Variants in KHDRBS2 observed in about 807,000 individuals in gnomAD.
KHDRBS2 encodes the protein KH domain-containing, RNA-binding, signal transduction-associated protein 2.
KHDRBS2 carries 26 observed loss-of-function variants against 44.3 expected under a neutral mutation model. The ratio of observed to expected loss-of-function variants is 0.59; its 90% CI spans 0.43 to 0.81. KHDRBS2 has a LOEUF of 0.81. Among genes scored for constraint, KHDRBS2 ranks in the 40% least tolerant of loss-of-function variants. The pLI, the probability that KHDRBS2 is intolerant of heterozygous loss-of-function variation, is 0.00. For synonymous variants in KHDRBS2, 194 were observed against 151.1 expected (o/e 1.28, Z -2.08); for missense variants, 476 against 433.1 (o/e 1.10, Z -0.88).
At chr6:61,710,490 AC>A (rs1475920659) in intron 7 of KHDRBS2, among the ~76,000 whole-genome samples, 4 of 151,496 alleles carry the variant, frequency 2.6e-5, no homozygotes, top group African/African-American at 9.7e-5. Context: ...TTTTAATTCT[AC>A]CCAGCCTCTT....
the KHDRBS2 span, among the ~76,000 whole-genome samples, chr6:61,562,627 C>T: frequency 8.3e-4 from 127 of 152,136 alleles, 2 homozygotes; most frequent in South Asian, 9.5e-3. Context: ...TCTTAGGGAC[C>T]TCAGAGTCAA....
intron 1 of KHDRBS2, among the ~76,000 whole-genome samples, chr6:62,201,975 C>A (rs1334877367): frequency 3.3e-5 from 5 of 151,720 alleles, no homozygotes; most frequent in Admixed American, 1.3e-4. Context: ...CTATAAATAA[C>A]CTTTAGGGTT....
At chr6:61,829,441 A>C (rs1402214747) in intron 6 of KHDRBS2, among the ~76,000 whole-genome samples, 3 of 152,170 alleles carry the variant, frequency 2.0e-5, no homozygotes, top group Non-Finnish European at 4.4e-5. Flanking sequence ...TGGGATTACA[A>C]GCATGAGCCA....
intron 2 of KHDRBS2, among the ~76,000 whole-genome samples, chr6:62,092,539 C>A (rs755274325): frequency 1.9e-4 from 29 of 152,072 alleles, no homozygotes; most frequent in Non-Finnish European, 3.5e-4. Flanking sequence ...GGTTTCTGCC[C>A]GTGGGCAAAA....
chr6:62,163,247 C>G (rs1562980493), intron 2 of KHDRBS2, among the ~76,000 whole-genome samples: 1 of 152,024 alleles, frequency 6.6e-6, no homozygotes, highest in Non-Finnish European at 1.5e-5. Context: ...TAGTTAAAGA[C>G]AGACTTTAAT....
At chr6:62,165,371 T>G (rs1818470417) in intron 2 of KHDRBS2, among the ~76,000 whole-genome samples, 1 of 150,736 alleles carries the variant, frequency 6.6e-6, no homozygotes, top group South Asian at 2.1e-4. Flanking sequence ...CCAATTGTCT[T>G]ACTGGTTATC....
chr6:62,244,011 T>G (rs191985106), intron 1 of KHDRBS2, among the ~76,000 whole-genome samples: 38 of 152,258 alleles, frequency 2.5e-4, no homozygotes, highest in African/African-American at 8.9e-4. Context: ...TGTGATAAAT[T>G]CTATGAATCG....
At chr6:62,262,751 T>C (rs370657207) in intron 1 of KHDRBS2, among the ~76,000 whole-genome samples, 1 of 151,702 alleles carries the variant, frequency 6.6e-6, no homozygotes, top group South Asian at 2.1e-4. Flanking sequence ...TCAATTAGTA[T>C]TGGCTAAATT....
intron 2 of KHDRBS2, among the ~76,000 whole-genome samples, chr6:62,054,264 T>C (rs1789759102): frequency 1.3e-5 from 2 of 152,080 alleles, no homozygotes; most frequent in South Asian, 4.1e-4. Context: ...TCCTTCCACA[T>C]ATCAAGATTC....
At position 62,161,584 on chromosome 6, in the gene KHDRBS2, G is replaced by C. The variant is rs950296288; in HGVS notation, c.219+15601C>G. On this transcript the variant is annotated intron_variant, in intron 2 of 8. Coordinates refer to ENST00000281156, the MANE Select transcript of KHDRBS2 (RefSeq NM_152688.4). ...AATTTTGGTATTTGCGGGGGGGGGG[G>C]GGGTCCCAGAACAAATCCTCTGAAG... Among the ~76,000 whole-genome samples the C allele has an allele frequency of 1.2e-3, 144 of 118,646 alleles. 8 individuals carry two copies. The highest frequency in any genetic ancestry group is 6.2e-3 in the South Asian group (18 of 2,916). 77.8% of individuals were successfully genotyped at this position (118,646 alleles called of 152,430 possible). A position where few individuals can be genotyped will look rare whatever the true frequency, so the allele number is the denominator to read the frequency against.
chr6:62,211,140 T>C (rs1046306180), intron 1 of KHDRBS2, among the ~76,000 whole-genome samples: 12 of 152,132 alleles, frequency 7.9e-5, no homozygotes, highest in Admixed American at 1.3e-4. Flanking sequence ...ATTCCTGTAA[T>C]TATAAGTTAG....
chr6:61,911,984 T>G (rs1420348382), intron 4 of KHDRBS2, among the ~76,000 whole-genome samples: 2 of 152,106 alleles, frequency 1.3e-5, no homozygotes, highest in East Asian at 3.9e-4. Flanking sequence ...TTGCGCCACT[T>G]TTTCTAACCA....
intron 2 of KHDRBS2, among the ~76,000 whole-genome samples, chr6:62,086,715 A>G (rs1196702585): frequency 6.6e-6 from 1 of 152,208 alleles, no homozygotes; most frequent in Non-Finnish European, 1.5e-5. Flanking sequence ...AAATCATTAA[A>G]TTGTATTCAC....
intron 6 of KHDRBS2, among the ~76,000 whole-genome samples, chr6:61,776,931 A>G (rs1406276442): frequency 1.3e-5 from 2 of 152,200 alleles, no homozygotes; most frequent in African/African-American, 4.8e-5. Flanking sequence ...AATGTGGCAC[A>G]TATACACCAT....
chr6:61,876,647 T>G (rs537731416), intron 6 of KHDRBS2, among the ~76,000 whole-genome samples: 149 of 152,142 alleles, frequency 9.8e-4, no homozygotes, highest in African/African-American at 3.4e-3. Context: ...AGTGAGCAAT[T>G]TGGCAATGTG....
At chr6:61,993,675 T>TATATATATATATATA (rs61137285) in intron 3 of KHDRBS2, among the ~76,000 whole-genome samples, 1,546 of 74,266 alleles carry the variant, frequency 0.021, 91 homozygotes, top group Admixed American at 0.034. Context: ...ATATATATAT[T>TATATATATATATATA]TTTTTTTTTT....
chr6:62,121,556 C>G (rs1299735608), intron 2 of KHDRBS2, among the ~76,000 whole-genome samples: 1 of 152,190 alleles, frequency 6.6e-6, no homozygotes, highest in African/African-American at 2.4e-5. Flanking sequence ...TTGGCAAATG[C>G]TTTTTTCTCC....
chr6:61,682,322 G>A (rs1766391373), intron 8 of KHDRBS2, among the ~76,000 whole-genome samples: 1 of 151,606 alleles, frequency 6.6e-6, no homozygotes, highest in African/African-American at 2.4e-5. Context: ...TTCTCACCAG[G>A]GCATTATTAT....
intron 6 of KHDRBS2, among the ~76,000 whole-genome samples, chr6:61,795,524 G>A (rs1474828552): frequency 6.6e-6 from 1 of 151,870 alleles, no homozygotes; most frequent in Non-Finnish European, 1.5e-5. Context: ...TGAAGCCACT[G>A]ATATAAATTA....
Sources: allele counts gnomAD v4.1 joint callset (sites outside exome capture counted in the v4.1 genomes callset), GRCh38; gene constraint gnomAD v4.1.1; transcripts MANE v1.5; gene names NCBI Gene and HGNC (gene_info 2026-07-23, HGNC 2026-07-21).